TRMT11: variants seen among roughly 807,000 people sequenced by gnomAD.
The protein encoded by TRMT11 is tRNA (guanine(10)-N(2))-methyltransferase TRMT11.
Under a neutral mutation model 62.8 loss-of-function variants are expected in TRMT11, and 53 were observed. That is an observed-to-expected ratio of 0.84 (90% CI 0.68 to 1.06). The LOEUF (loss-of-function observed/expected upper bound fraction) is 1.06. Among genes scored for constraint, TRMT11 ranks in the 50% least tolerant of loss-of-function variants. The pLI, the probability that TRMT11 is intolerant of heterozygous loss-of-function variation, is 0.00. For synonymous variants in TRMT11, 188 were observed against 190.3 expected (o/e 0.99, Z 0.10); for missense variants, 556 against 553.4 (o/e 1.00, Z -0.05).
intron 21 of TRMT11, among the ~76,000 whole-genome samples, chr6:126,146,878 T>G: frequency 2.6e-5 from 1 of 38,594 alleles, no homozygotes; most frequent in African/African-American, 1.2e-4. Context: ...TATTACTAAA[T>G]TATTTATATT....
At chr6:126,268,728 A>G in the TRMT11 span, among the ~76,000 whole-genome samples, 2 of 152,200 alleles carry the variant, frequency 1.3e-5, no homozygotes, top group South Asian at 2.1e-4. Context: ...CATTTTATTC[A>G]ATCCAAGTTA....
At chr6:125,987,931 T>C (rs1047661383) in intron 1 of TRMT11, among the ~76,000 whole-genome samples, 3 of 152,340 alleles carry the variant, frequency 2.0e-5, no homozygotes, top group East Asian at 3.9e-4. Context: ...GGACTAGTGA[T>C]AAATATTTGG....
At chr6:126,229,120 A>G in the TRMT11 span, among the ~76,000 whole-genome samples, 1 of 152,194 alleles carries the variant, frequency 6.6e-6, no homozygotes, top group East Asian at 1.9e-4. Flanking sequence ...GTGTTCTCTG[A>G]TGTTACTAAG....
chr6:126,051,001 C>T (rs185690791), intron 16 of TRMT11, among the ~76,000 whole-genome samples: 3 of 152,226 alleles, frequency 2.0e-5, no homozygotes, highest in Admixed American at 2.0e-4. Context: ...ATACAGGGGG[C>T]CCTATGGGAA....
the TRMT11 span, among the ~76,000 whole-genome samples, chr6:126,253,655 C>T: frequency 6.6e-6 from 1 of 152,188 alleles, no homozygotes; most frequent in African/African-American, 2.4e-5. Flanking sequence ...TATACCCTTA[C>T]AGGACCATCG....
chr6:126,155,209 T>C (rs1159459089), intron 21 of TRMT11, among the ~76,000 whole-genome samples: 1 of 152,196 alleles, frequency 6.6e-6, no homozygotes, highest in Non-Finnish European at 1.5e-5. Context: ...AGGCATTTTA[T>C]ATGGCAAGAG....
the TRMT11 span, among the ~76,000 whole-genome samples, chr6:126,234,748 T>C: frequency 6.6e-6 from 1 of 152,212 alleles, no homozygotes; most frequent in Admixed American, 6.5e-5. Context: ...GGTGGCAAAC[T>C]GTCTTTATTC....
At chr6:126,138,700 A>T (rs114381248) in intron 21 of TRMT11, among the ~76,000 whole-genome samples, 294 of 152,186 alleles carry the variant, frequency 1.9e-3, no homozygotes, top group African/African-American at 6.9e-3. Flanking sequence ...AATCTGTTTG[A>T]CATTTCTGAG....
At chr6:126,197,962 TTC>T (rs1167169501) in intron 1 of TRMT11, among the ~76,000 whole-genome samples, 1 of 152,188 alleles carries the variant, frequency 6.6e-6, no homozygotes, top group Non-Finnish European at 1.5e-5. Context: ...AGTAGACCCT[TTC>T]TTATCCAGGT....
rs1562321414 is a variant in TRMT11, at chr6:126,093,620, TATATA to T, written c.*1438-19245_*1438-19241del. Among the ~76,000 whole-genome samples the T allele has an allele frequency of 1.8e-4, 17 of 96,092 alleles. 1 individual carries two copies. The highest frequency in any genetic ancestry group is 9.6e-4 in the African/African-American group (15 of 15,646). 63.0% of individuals were successfully genotyped at this position (96,092 alleles called of 152,430 possible). A position where few individuals can be genotyped will look rare whatever the true frequency, so the allele number is the denominator to read the frequency against. ...ATATATATATATATATATATATATA[TATATA>T]TATATATTTTCCCCCAGTCCTGGAG... On this transcript the variant is annotated intron_variant and NMD_transcript_variant, in intron 17 of 22. Coordinates refer to the TRMT11 transcript ENST00000648977.
the TRMT11 span, among the ~76,000 whole-genome samples, chr6:126,260,875 G>A: frequency 1.3e-5 from 2 of 152,002 alleles, no homozygotes; most frequent in African/African-American, 2.4e-5. Flanking sequence ...TTTGACTTTC[G>A]ACAGTTTGAT....
At chr6:126,128,839 A>G (rs371471378) in intron 21 of TRMT11, among the ~76,000 whole-genome samples, 2 of 152,232 alleles carry the variant, frequency 1.3e-5, no homozygotes, top group South Asian at 2.1e-4. Context: ...TATGAGAAGA[A>G]GAAAAACCTG....
intron 17 of TRMT11, among the ~76,000 whole-genome samples, chr6:126,107,041 T>C (rs1037268307): frequency 1.3e-5 from 2 of 152,138 alleles, no homozygotes; most frequent in Non-Finnish European, 2.9e-5. Flanking sequence ...TCAGGATATA[T>C]TTTGAGATCC....
chr6:126,019,052 G>A (rs1189013711), intron 11 of TRMT11, among the ~76,000 whole-genome samples: 1 of 151,960 alleles, frequency 6.6e-6, no homozygotes, highest in African/African-American at 2.4e-5. Flanking sequence ...GGCTAATTTT[G>A]TATTTTTAGC....
chr6:126,217,290 T>A, the TRMT11 span, among the ~76,000 whole-genome samples: 1 of 152,214 alleles, frequency 6.6e-6, no homozygotes, highest in Non-Finnish European at 1.5e-5. Context: ...TTGATGCTTA[T>A]GTAAATTTGT....
the TRMT11 span, among the ~76,000 whole-genome samples, chr6:126,266,013 CT>C: frequency 1.3e-5 from 2 of 152,098 alleles, no homozygotes; most frequent in Non-Finnish European, 2.9e-5. Flanking sequence ...TATGAGCCAT[CT>C]TTTTTAAACA....
intron 11 of TRMT11, among the ~76,000 whole-genome samples, chr6:126,018,024 T>G (rs988329289): frequency 1.3e-5 from 2 of 152,232 alleles, no homozygotes; most frequent in African/African-American, 2.4e-5. Context: ...ACAGTGTTTC[T>G]TTATAAATGA....
chr6:126,041,210 A>T (rs749537739), downstream of TRMT11, among the ~76,000 whole-genome samples: 4 of 152,114 alleles, frequency 2.6e-5, no homozygotes, highest in Non-Finnish European at 5.9e-5. Context: ...ACCTTATTTC[A>T]AGTTTTGTAG....
At chr6:126,107,991 A>G (rs1001241161) in intron 17 of TRMT11, among the ~76,000 whole-genome samples, 24 of 152,224 alleles carry the variant, frequency 1.6e-4, no homozygotes, top group African/African-American at 5.8e-4. Context: ...CTCTGATTAT[A>G]TGTCCTCGAC....
Sources: gnomAD v4.1 joint callset for allele counts (sites outside exome capture counted in the v4.1 genomes callset) on GRCh38, gnomAD v4.1.1 for gene constraint, MANE v1.5 for transcripts, NCBI Gene and HGNC (gene_info 2026-07-23, HGNC 2026-07-21) for gene names.